The following DRC1 variants were observed in gnomAD, a reference collection of about 807,000 sequenced individuals.
The protein encoded by DRC1 is dynein regulatory complex subunit 1, also known as dynein regulatory complex protein 1.
DRC1 carries 74 observed loss-of-function variants against 98.7 expected under a neutral mutation model. The observed-to-expected ratio is 0.75, with a 90% CI of 0.62 to 0.91. The LOEUF is 0.91. DRC1 is among the 40% of genes least tolerant of loss of function. The probability of loss-of-function intolerance (pLI) is 0.00; values close to 1 mark genes in which losing one functional copy is unlikely to be tolerated. For missense variants in DRC1, 875 were observed against 886.0 expected (o/e 0.99, Z 0.16); for synonymous variants, 336 against 334.1 (o/e 1.01, Z -0.06).
chr2:26,409,593 C>T (rs993350281), intron 1 of DRC1, among the ~76,000 whole-genome samples: 2 of 152,118 alleles, frequency 1.3e-5, no homozygotes, highest in Non-Finnish European at 2.9e-5. Context: ...TTTGGTACAT[C>T]TCAGACAAGA....
rs779533577 is a variant in DRC1, at chr2:26,402,136, C to T, written c.147C>T (p.Ala49=). 16 of 1,605,782 alleles carry T rather than the reference C, an allele frequency of 1.0e-5. No homozygotes were observed. In the South Asian group the frequency reaches 1.6e-4, roughly 16 times the overall value. The part of the protein sequence containing the change: ...RRLRIAARLE[A]RRREALGEYL... ...TCCGCATCGCTGCGCGCTTAGAAGC[C>T]CGGAGGCGGTGAGCGCGGGGGCGGG... The change falls in exon 1 of 17, where the codon GCC becomes GCT. Residue 49 remains alanine (A), a synonymous_variant. Transcript: ENST00000288710.
At chr2:26,435,370 T>C (rs1276566317) in intron 7 of DRC1, among the ~76,000 whole-genome samples, 2 of 152,242 alleles carry the variant, frequency 1.3e-5, no homozygotes, top group Admixed American at 1.3e-4. Flanking sequence ...AAAAATATCT[T>C]TGGATAATTG....
At position 26,456,484 on chromosome 2, in the gene DRC1, T is replaced by C. The variant is rs746367760; in HGVS notation, c.2190T>C (p.Pro730=). 1.9e-6 allele frequency: 3 copies of C among 1,614,048 alleles called. No individual in the cohort carries two copies. Among genetic ancestry groups the C allele is most frequent in the East Asian group, 2.2e-5 (1 of 44,892 alleles). The change falls in exon 17 of 17, where the codon CCT becomes CCC. Residue 730 remains proline (P), a synonymous_variant. Coordinates refer to ENST00000288710, the MANE Select transcript of DRC1 (RefSeq NM_145038.5). ...AGATCAACTCTGAACTGCAAGTTCC[T>C]CCCACTCAGGTGTTGCGGGTACCCA... The part of the protein sequence containing the change: ...NSKINSELQV[P]PTQVLRVPTK
intron 4 of DRC1, among the ~76,000 whole-genome samples, chr2:26,425,450 G>A (rs950495431): frequency 6.6e-5 from 10 of 152,138 alleles, no homozygotes; most frequent in African/African-American, 1.9e-4. Context: ...AAAGCAGGAT[G>A]GCTGGGTCAT....
At chr2:26,428,383 A>G (rs1487556494) in intron 4 of DRC1, among the ~76,000 whole-genome samples, 1 of 152,250 alleles carries the variant, frequency 6.6e-6, no homozygotes, top group Non-Finnish European at 1.5e-5. Flanking sequence ...CCTAGGGTAT[A>G]TGATATAACT....
intron 1 of DRC1, among the ~76,000 whole-genome samples, chr2:26,413,962 G>T (rs1678708135): frequency 6.6e-6 from 1 of 151,346 alleles, no homozygotes; most frequent in Non-Finnish European, 1.5e-5. Context: ...TCTCTATGTT[G>T]CCCAGGCTGG....
intron 13 of DRC1, among the ~76,000 whole-genome samples, chr2:26,452,324 C>T (rs1228099189): frequency 3.3e-5 from 5 of 152,100 alleles, no homozygotes; most frequent in African/African-American, 4.8e-5. Flanking sequence ...GGCACGATCT[C>T]GGCTCACTAC....
chr2:26,407,158 A>G (rs1287398142), intron 1 of DRC1, among the ~76,000 whole-genome samples: 3 of 152,090 alleles, frequency 2.0e-5, no homozygotes, highest in Non-Finnish European at 4.4e-5. Context: ...GAGATGGAAC[A>G]CATACATCTA....
chr2:26,452,203 T>C (rs895474855), intron 13 of DRC1, among the ~76,000 whole-genome samples: 11 of 152,218 alleles, frequency 7.2e-5, no homozygotes, highest in African/African-American at 2.7e-4. Flanking sequence ...GTAACCTCCA[T>C]TGAGGACAGT....
At chr2:26,455,052 A>G (rs1464817232) in intron 15 of DRC1, 79 bp from the exon 16 acceptor site, 17 of 1,529,910 alleles carry the variant, frequency 1.1e-5, no homozygotes, top group Non-Finnish European at 1.5e-5. Flanking sequence ...TAGCCAAAGT[A>G]CAACCACCAA....
At chr2:26,446,836 A>G (rs1209602329) in intron 10 of DRC1, among the ~76,000 whole-genome samples, 2 of 152,076 alleles carry the variant, frequency 1.3e-5, no homozygotes, top group African/African-American at 4.8e-5. Context: ...TCACCCCTGT[A>G]ATCCCAGCAC....
chr2:26,449,131 C>G (rs528240677), intron 11 of DRC1, among the ~76,000 whole-genome samples: 3 of 152,362 alleles, frequency 2.0e-5, no homozygotes, highest in African/African-American at 7.2e-5. Context: ...CTCCATGAAC[C>G]AACTTGCTAA....
At chr2:26,452,093 CA>C (rs35773772) in intron 13 of DRC1, among the ~76,000 whole-genome samples, 101,561 of 142,068 alleles carry the variant, frequency 0.71, 37,158 homozygotes, top group Non-Finnish European at 0.84. Context: ...TATGTTGGCG[CA>C]AAAAAAAAAA....
intron 1 of DRC1, among the ~76,000 whole-genome samples, chr2:26,410,582 AT>A (rs940583632): frequency 5.3e-5 from 8 of 151,510 alleles, no homozygotes; most frequent in East Asian, 1.9e-4. Flanking sequence ...AGAGAAAAAT[AT>A]TTTTTTTTAA....
At chr2:26,421,175 G>C (rs1028107492) in intron 2 of DRC1, 113 bp from the exon 3 acceptor site, 45 of 840,894 alleles carry the variant, frequency 5.4e-5, no homozygotes, top group African/African-American at 6.9e-5. Flanking sequence ...GGTAGTTGCT[G>C]CTTCCTGCTT....
At chr2:26,445,189 A>C (rs1663821779) in intron 10 of DRC1, among the ~76,000 whole-genome samples, 1 of 152,224 alleles carries the variant, frequency 6.6e-6, no homozygotes, top group Admixed American at 6.5e-5. Context: ...ACTATTGTGT[A>C]GTACCTCCAT....
chr2:26,443,467 C>A (rs936027505), intron 8 of DRC1, among the ~76,000 whole-genome samples: 2 of 152,144 alleles, frequency 1.3e-5, no homozygotes, highest in South Asian at 2.1e-4. Context: ...TTTGGACCAC[C>A]CCCTCCCCTG....
At position 26,440,401 on chromosome 2, in the gene DRC1, G is replaced by A. The variant is rs757321423; in HGVS notation, c.912G>A (p.Gln304=). 4 of 1,612,226 alleles carry A rather than the reference G, an allele frequency of 2.5e-6. No homozygotes were observed. The highest frequency in any genetic ancestry group is 3.4e-6 in the Non-Finnish European group (4 of 1,179,310). ...AGATTCTTGAGCAGCAGCTTCAGCA[G>A]AGGAAAGCAATTTATCAGCTAAACC... is the stretch of plus-strand genomic sequence containing the variant. ...DVQILEQQLQ[Q]RKAIYQLNQE... The change falls in exon 8 of 17, where the codon CAG becomes CAA. Residue 304 remains glutamine (Q), a synonymous_variant. Transcript: ENST00000288710.
chr2:26,451,828 A>C (rs1261778824), intron 13 of DRC1, among the ~76,000 whole-genome samples: 3 of 152,250 alleles, frequency 2.0e-5, no homozygotes, highest in Admixed American at 2.0e-4. Flanking sequence ...TGATAAGCAA[A>C]GTTAAGAGAT....
Sources: gnomAD v4.1 joint callset for allele counts (sites outside exome capture counted in the v4.1 genomes callset) on GRCh38, gnomAD v4.1.1 for gene constraint, MANE v1.5 for transcripts, NCBI Gene and HGNC (gene_info 2026-07-23, HGNC 2026-07-21) for gene names.